The following PCDHGB5 variants were observed in gnomAD, a reference collection of about 807,000 sequenced individuals.
PCDHGB5 encodes the protein protocadherin gamma-B5.
A neutral mutation model predicts 62.9 loss-of-function variants in PCDHGB5; 48 were observed. The observed-to-expected ratio is 0.76, with a 90% CI of 0.61 to 0.97. The LOEUF (loss-of-function observed/expected upper bound fraction) is 0.97, where lower values mean the gene tolerates loss of function less well. Ranked by LOEUF, PCDHGB5 falls within the 50% of genes least tolerant of loss-of-function variation. PCDHGB5 has a pLI of 0.00. For missense variants in PCDHGB5, 1,118 were observed against 1,198.6 expected, an observed-to-expected ratio of 0.93 and a Z score of 0.99; for synonymous variants, 474 against 511.2, an observed-to-expected ratio of 0.93 and a Z score of 0.98.
intron 1 of PCDHGB5, among the ~76,000 whole-genome samples, chr5:141,460,117 T>G (rs1454761302): frequency 6.6e-6 from 1 of 151,982 alleles, no homozygotes; most frequent in Non-Finnish European, 1.5e-5. Context: ...ATGATTTTTA[T>G]ATATGTAATA....
At chr5:141,452,065 T>A (rs185791618) in intron 1 of PCDHGB5, among the ~76,000 whole-genome samples, 1 of 152,332 alleles carries the variant, frequency 6.6e-6, no homozygotes, top group Non-Finnish European at 1.5e-5. Flanking sequence ...TTATTCTACT[T>A]TTATTAGTTG....
chr5:141,464,676 T>C (rs1337677151), intron 1 of PCDHGB5, among the ~76,000 whole-genome samples: 3 of 152,176 alleles, frequency 2.0e-5, no homozygotes, highest in Non-Finnish European at 2.9e-5. Context: ...ATAATTTTAA[T>C]TAAAATTTCT....
At chr5:141,499,331 TCA>T (rs2099791249) in intron 2 of PCDHGB5, among the ~76,000 whole-genome samples, 1 of 152,220 alleles carries the variant, frequency 6.6e-6, no homozygotes, top group African/African-American at 2.4e-5. Context: ...CTGCTCTCTC[TCA>T]GTTTGGGCAG....
At chr5:141,423,067 G>C (rs757110751) in intron 1 of PCDHGB5, 36 of 1,614,024 alleles carry the variant, frequency 2.2e-5, no homozygotes, top group Non-Finnish European at 2.9e-5. Context: ...TAAGGCCAGC[G>C]AGCCGGGACT....
intron 1 of PCDHGB5, chr5:141,427,712 C>A: frequency 9.5e-7 from 1 of 1,051,464 alleles, no homozygotes; most frequent in Non-Finnish European, 1.4e-6. Context: ...GCGCCTCTGA[C>A]CTGGACCTAG....
intron 1 of PCDHGB5, chr5:141,428,232 G>C (rs546567556): frequency 9.3e-7 from 1 of 1,071,494 alleles, no homozygotes; most frequent in African/African-American, 1.5e-5. Context: ...CAGACAGCCT[G>C]CAGGAGGCAC....
intron 1 of PCDHGB5, chr5:141,409,182 T>C: frequency 6.2e-7 from 1 of 1,614,006 alleles, no homozygotes; most frequent in East Asian, 2.2e-5. Context: ...GGAGGTGGTC[T>C]CTCTACCCAG....
intron 1 of PCDHGB5, among the ~76,000 whole-genome samples, chr5:141,472,862 T>C (rs770564770): frequency 1.3e-5 from 2 of 150,322 alleles, no homozygotes; most frequent in South Asian, 4.2e-4. Flanking sequence ...GGCACATGCC[T>C]GTATTCCCAG....
chr5:141,430,580 G>A, intron 1 of PCDHGB5: 1 of 478,526 alleles, frequency 2.1e-6, no homozygotes, highest in Admixed American at 3.8e-5. Context: ...CGGAGATCCT[G>A]CTCGCCTTGC....
intron 1 of PCDHGB5, among the ~76,000 whole-genome samples, chr5:141,433,378 T>C (rs1246585250): frequency 6.6e-5 from 10 of 151,072 alleles, no homozygotes. Context: ...TATCTATCTA[T>C]CTATCTATCT....
intron 1 of PCDHGB5, chr5:141,419,023 A>C: frequency 6.2e-7 from 1 of 1,613,958 alleles, no homozygotes; most frequent in East Asian, 2.2e-5. Context: ...GCTTAAGTAG[A>C]GGTGTTCCAT....
intron 1 of PCDHGB5, chr5:141,403,431 C>T: frequency 6.2e-7 from 1 of 1,614,028 alleles, no homozygotes; most frequent in Non-Finnish European, 8.5e-7. Context: ...GCTATTGATC[C>T]GGATGTTGGC....
intron 1 of PCDHGB5, among the ~76,000 whole-genome samples, chr5:141,444,012 G>T (rs1355186604): frequency 1.3e-5 from 2 of 152,058 alleles, no homozygotes; most frequent in African/African-American, 4.8e-5. Flanking sequence ...CTGGGTATTG[G>T]CTTCTAAAAG....
chr5:141,400,783 T>G (rs2094075214), intron 1 of PCDHGB5: 1 of 566,968 alleles, frequency 1.8e-6, no homozygotes, highest in African/African-American at 1.9e-5. Flanking sequence ...TGCGTTTTTT[T>G]GTCCTCTTTC....
chr5:141,410,650 T>C (rs781083173), intron 1 of PCDHGB5: 3 of 1,590,604 alleles, frequency 1.9e-6, no homozygotes, highest in Non-Finnish European at 2.6e-6. Context: ...GTGTGATTTA[T>C]CTAATAGTCT....
In PCDHGB5 at chr5:141,491,552, G is replaced by A. The variant is rs769927075; in HGVS notation, c.2398-3255G>A. 1 of 1,614,008 alleles carries A rather than the reference G, an allele frequency of 6.2e-7. No individual in the cohort carries two copies. The highest frequency in any genetic ancestry group is 1.7e-5 in the Admixed American group (1 of 60,024). On this transcript the variant is annotated intron_variant, in intron 1 of 3. Coordinates refer to ENST00000617380, the MANE Select transcript of PCDHGB5 (RefSeq NM_018925.3). This position sits in a 1 kb window ranked among gnomAD's most constrained non-coding sequence, Gnocchi z 6.9. Reference sequence around the variant, plus strand: ...ACGCTGCGGCCCACAGACTCGCAGAGCCACTGCTACAGGACGTGCTTTTCA... The same window carrying A: ...ACGCTGCGGCCCACAGACTCGCAGAACCACTGCTACAGGACGTGCTTTTCA...
intron 2 of PCDHGB5, among the ~76,000 whole-genome samples, chr5:141,495,943 C>T (rs998665622): frequency 3.9e-5 from 6 of 152,010 alleles, no homozygotes; most frequent in African/African-American, 1.4e-4. Flanking sequence ...GTCTCTGTGC[C>T]TGTTGTCTTT....
intron 1 of PCDHGB5, among the ~76,000 whole-genome samples, chr5:141,465,094 G>GTT (rs138941665): frequency 3.4e-5 from 5 of 148,194 alleles, no homozygotes; most frequent in Non-Finnish European, 6.0e-5. Flanking sequence ...TTTTCTAGTA[G>GTT]TTTTTTTTTT....
At chr5:141,422,013 G>A (rs755656791) in intron 1 of PCDHGB5, 1 of 1,610,536 alleles carries the variant, frequency 6.2e-7, no homozygotes. Context: ...GAACTCGGGT[G>A]CTGATGGTTA....
Sources: allele counts gnomAD v4.1 joint callset (sites outside exome capture counted in the v4.1 genomes callset), GRCh38; gene constraint gnomAD v4.1.1; non-coding constraint Gnocchi (gnomAD v3.1); transcripts MANE v1.5; gene names NCBI Gene and HGNC (gene_info 2026-07-23, HGNC 2026-07-21).